Variants in GRIK4 observed in about 807,000 individuals in gnomAD.
GRIK4 encodes glutamate receptor ionotropic, kainate 4.
In GRIK4, 40 loss-of-function variants were observed where a neutral mutation model predicts 104.9. The ratio of observed to expected loss-of-function variants is 0.38; its 90% CI spans 0.30 to 0.50. GRIK4 has a LOEUF of 0.50. Among genes scored for constraint, GRIK4 ranks in the 20% least tolerant of loss-of-function variants. The pLI is 0.93. For synonymous variants in GRIK4, 485 were observed against 524.9 expected, an observed-to-expected ratio of 0.92 and a Z score of 1.04; for missense variants, 1,047 against 1,308.1, an observed-to-expected ratio of 0.80 and a Z score of 3.08.
chr11:120,540,578 C>T (rs1287972955), intron 1 of GRIK4, among the ~76,000 whole-genome samples: 4 of 151,886 alleles, frequency 2.6e-5, no homozygotes, highest in Admixed American at 6.6e-5. Flanking sequence ...CGTGCCACTG[C>T]GCCCCAGTCT....
chr11:120,808,699 G>C (rs76138849), intron 4 of GRIK4, among the ~76,000 whole-genome samples: 3,817 of 152,290 alleles, frequency 0.025, 163 homozygotes, highest in African/African-American at 0.086. Context: ...TGGCACAAGA[G>C]AGGAGATGGT....
At chr11:120,740,704 G>A (rs1264383202) in intron 3 of GRIK4, among the ~76,000 whole-genome samples, 1 of 152,192 alleles carries the variant, frequency 6.6e-6, no homozygotes, top group African/African-American at 2.4e-5. Context: ...AGTGACTAGT[G>A]AGGAATGGGA....
At position 120,513,339 on chromosome 11, in the gene GRIK4, T is replaced by C. The variant is rs1216833869; in HGVS notation, c.-159+1452T>C. Among the ~76,000 whole-genome samples the C allele has an allele frequency of 6.6e-6, 1 of 151,934 alleles. No homozygotes were observed. Among genetic ancestry groups the C allele is most frequent in the East Asian group, 1.9e-4 (1 of 5,144 alleles). On this transcript the variant is annotated intron_variant, in intron 1 of 20. Transcript: ENST00000527524. This position sits in a 1 kb window ranked among gnomAD's most constrained non-coding sequence, Gnocchi z 4.5. Reference sequence around the variant, plus strand: ...CTCCGGGGAGAGAGGCCGCCTGGGTTGGTAGTGGGCATCTGAGAGACAAAT... The same window carrying C: ...CTCCGGGGAGAGAGGCCGCCTGGGTCGGTAGTGGGCATCTGAGAGACAAAT...
intron 1 of GRIK4, among the ~76,000 whole-genome samples, chr11:120,601,355 G>A (rs1298971713): frequency 6.6e-6 from 1 of 151,618 alleles, no homozygotes; most frequent in African/African-American, 2.4e-5. Context: ...GCAGTGAGCC[G>A]AGATTGCGCC....
At chr11:120,741,861 G>C (rs17245678) in intron 3 of GRIK4, among the ~76,000 whole-genome samples, 3,866 of 152,236 alleles carry the variant, frequency 0.025, 77 homozygotes, top group Non-Finnish European at 0.039. Flanking sequence ...GGGCCCCTGT[G>C]GGGTAAGATG....
intron 11 of GRIK4, among the ~76,000 whole-genome samples, chr11:120,889,814 G>A (rs546860517): frequency 4.4e-4 from 67 of 152,098 alleles, no homozygotes; most frequent in Middle Eastern, 3.4e-3. Flanking sequence ...ATGTTGGTCA[G>A]GCTGGTCTTG....
At chr11:120,672,482 GC>G (rs1485544311) in intron 3 of GRIK4, among the ~76,000 whole-genome samples, 1 of 152,146 alleles carries the variant, frequency 6.6e-6, no homozygotes, top group Non-Finnish European at 1.5e-5. Flanking sequence ...GTCAATGGTA[GC>G]TTTGATGGGA....
At chr11:120,590,962 G>T (rs1948725731) in intron 1 of GRIK4, among the ~76,000 whole-genome samples, 1 of 152,054 alleles carries the variant, frequency 6.6e-6, no homozygotes, top group African/African-American at 2.4e-5. Context: ...TCTCACCTGA[G>T]GCCCAGGACA....
At chr11:120,571,845 C>T (rs928676613) in intron 1 of GRIK4, among the ~76,000 whole-genome samples, 1 of 152,150 alleles carries the variant, frequency 6.6e-6, no homozygotes, top group African/African-American at 2.4e-5. Context: ...GGTGAACGAC[C>T]TACTTGGTGG....
chr11:120,830,736 A>T (rs1056536414), intron 6 of GRIK4, among the ~76,000 whole-genome samples: 2 of 152,338 alleles, frequency 1.3e-5, no homozygotes, highest in Admixed American at 1.3e-4. Context: ...AATGTTTCGC[A>T]CATTAACTGG....
At chr11:120,735,943 C>G (rs1951214144) in intron 3 of GRIK4, among the ~76,000 whole-genome samples, 1 of 152,216 alleles carries the variant, frequency 6.6e-6, no homozygotes, top group Admixed American at 6.5e-5. Flanking sequence ...TAGCTCCCTT[C>G]TGTCCCAGGG....
At chr11:120,674,465 A>G (rs954770881) in intron 3 of GRIK4, among the ~76,000 whole-genome samples, 1 of 152,226 alleles carries the variant, frequency 6.6e-6, no homozygotes, top group Admixed American at 6.5e-5. Context: ...GCCAGAAGCA[A>G]GGCTGCTCTT....
intron 5 of GRIK4, among the ~76,000 whole-genome samples, chr11:120,816,250 T>C (rs1255119749): frequency 1.3e-5 from 2 of 152,182 alleles, no homozygotes; most frequent in African/African-American, 2.4e-5. Flanking sequence ...TCTTTCCTGG[T>C]CCTTCCTGGA....
intron 3 of GRIK4, among the ~76,000 whole-genome samples, chr11:120,746,644 G>T (rs546552763): frequency 6.6e-6 from 1 of 152,284 alleles, no homozygotes; most frequent in African/African-American, 2.4e-5. Flanking sequence ...CCAAAAGGGG[G>T]AATTAAGGCT....
At chr11:120,829,113 G>A (rs1187191606) in intron 6 of GRIK4, among the ~76,000 whole-genome samples, 3 of 152,118 alleles carry the variant, frequency 2.0e-5, no homozygotes, top group Non-Finnish European at 4.4e-5. Flanking sequence ...CTCCATTCTA[G>A]GACGTGGGGA....
intron 1 of GRIK4, among the ~76,000 whole-genome samples, chr11:120,599,433 A>G (rs577096006): frequency 6.6e-6 from 1 of 152,292 alleles, no homozygotes; most frequent in South Asian, 2.1e-4. Context: ...GGCTCACAGC[A>G]TGCCCTGGTT....
rs78693318 is a variant in GRIK4 at position 120,549,102 on chromosome 11, T to G, written c.-159+37215T>G. Reference sequence around the variant, plus strand: ...CTGAAGGATGCCTGTTTCCTGGCTGTTTTTTTTTTTCACTGAGACAGAGTC... The same window carrying G: ...CTGAAGGATGCCTGTTTCCTGGCTGGTTTTTTTTTTCACTGAGACAGAGTC... On this transcript the variant is annotated intron_variant, in intron 1 of 20. Coordinates refer to ENST00000527524, the MANE Select transcript of GRIK4 (RefSeq NM_014619.5). This position sits in a 1 kb window ranked among gnomAD's most constrained non-coding sequence, Gnocchi z 4.7. Among the ~76,000 whole-genome samples, 6 of 140,772 alleles carry G rather than the reference T, an allele frequency of 4.3e-5. No individual in the cohort carries two copies. Among genetic ancestry groups the G allele is most frequent in the Admixed American group, 2.8e-4 (4 of 14,350 alleles). The allele number at this position is 140,772 out of a possible 152,430, so 92.4% of individuals were successfully genotyped here. A position where few individuals can be genotyped will look rare whatever the true frequency, so the allele number is the denominator to read the frequency against.
chr11:120,720,088 T>C (rs974296803), intron 3 of GRIK4, among the ~76,000 whole-genome samples: 1 of 151,838 alleles, frequency 6.6e-6, no homozygotes, highest in Non-Finnish European at 1.5e-5. Flanking sequence ...ACACCTGGGA[T>C]TGGGGAGCAC....
intron 3 of GRIK4, among the ~76,000 whole-genome samples, chr11:120,780,355 C>T (rs1952129433): frequency 6.6e-6 from 1 of 152,206 alleles, no homozygotes; most frequent in South Asian, 2.1e-4. Flanking sequence ...TGGCAACAAC[C>T]TTGGTACCTC....
Sources: gnomAD v4.1 joint callset for allele counts (sites outside exome capture counted in the v4.1 genomes callset) on GRCh38, gnomAD v4.1.1 for gene constraint, Gnocchi (gnomAD v3.1) non-coding constraint, MANE v1.5 for transcripts, NCBI Gene and HGNC (gene_info 2026-07-23, HGNC 2026-07-21) for gene names.